THRB: variants seen among roughly 807,000 people sequenced by gnomAD.
THRB encodes thyroid hormone receptor beta, also known as nuclear receptor subfamily 1 group A member 2.
A neutral mutation model predicts 47.8 loss-of-function variants in THRB; 12 were observed. The observed-to-expected ratio is 0.25, with a 90% CI of 0.16 to 0.41. The LOEUF (loss-of-function observed/expected upper bound fraction) is 0.41, where lower values mean the gene tolerates loss of function less well. Ranked by LOEUF, THRB falls within the 10% of genes least tolerant of loss-of-function variation. THRB has a pLI of 1.00. For synonymous variants in THRB, 218 were observed against 212.2 expected, an observed-to-expected ratio of 1.03 and a Z score of -0.24; for missense variants, 348 against 589.2, an observed-to-expected ratio of 0.59 and a Z score of 4.24.
intron 1 of THRB, among the ~76,000 whole-genome samples, chr3:24,383,469 ATAG>A (rs1315027840): frequency 6.6e-6 from 1 of 152,192 alleles, no homozygotes; most frequent in African/African-American, 2.4e-5. Flanking sequence ...ACATTTATTA[ATAG>A]TAGGTACACT....
chr3:24,226,931 A>C (rs1244932340), intron 4 of THRB, among the ~76,000 whole-genome samples: 1 of 152,176 alleles, frequency 6.6e-6, no homozygotes, highest in Non-Finnish European at 1.5e-5. Context: ...ATATTTATTC[A>C]CTGGCCCTTT....
chr3:24,366,073 T>A (rs2064434651), intron 1 of THRB, among the ~76,000 whole-genome samples: 1 of 152,212 alleles, frequency 6.6e-6, no homozygotes, highest in Admixed American at 6.5e-5. Flanking sequence ...ACCAGTTAGG[T>A]TAGGTACATA....
chr3:24,199,663 A>G (rs765444186), intron 4 of THRB, among the ~76,000 whole-genome samples: 41 of 152,256 alleles, frequency 2.7e-4, no homozygotes, highest in Non-Finnish European at 4.7e-4. Context: ...TCTGAAACTA[A>G]AAAGTACAAT....
chr3:24,344,421 C>A (rs1227017532), intron 1 of THRB, among the ~76,000 whole-genome samples: 1 of 152,066 alleles, frequency 6.6e-6, no homozygotes, highest in East Asian at 1.9e-4. Flanking sequence ...TTGTTTTCTA[C>A]TTGTAGTTGA....
intron 2 of THRB, among the ~76,000 whole-genome samples, chr3:24,332,144 A>T (rs1228127985): frequency 1.3e-5 from 2 of 151,810 alleles, no homozygotes; most frequent in African/African-American, 2.4e-5. Context: ...TTCTGGTAAG[A>T]CCCCCTAAAG....
At chr3:24,212,626 A>G (rs1031538142) in intron 4 of THRB, among the ~76,000 whole-genome samples, 18 of 151,642 alleles carry the variant, frequency 1.2e-4, no homozygotes, top group African/African-American at 4.4e-4. Context: ...AGACCCATGA[A>G]GGTGATATGG....
intron 1 of THRB, among the ~76,000 whole-genome samples, chr3:24,441,860 G>A (rs1484072259): frequency 6.6e-6 from 1 of 151,932 alleles, no homozygotes. Context: ...TAAAAGACTT[G>A]AGCCCCTTCC....
At chr3:24,438,887 T>C (rs1437705431) in intron 1 of THRB, among the ~76,000 whole-genome samples, 2 of 151,936 alleles carry the variant, frequency 1.3e-5, no homozygotes, top group Admixed American at 1.3e-4. Context: ...GTGTCTTAGG[T>C]AAGGATCCCC....
intron 3 of THRB, among the ~76,000 whole-genome samples, chr3:24,243,576 T>C (rs923515891): frequency 1.3e-5 from 2 of 152,114 alleles, no homozygotes; most frequent in African/African-American, 2.4e-5. Flanking sequence ...GGGATGCCTA[T>C]TTGAACATCC....
chr3:24,220,836 T>C (rs2047085962), intron 4 of THRB, among the ~76,000 whole-genome samples: 1 of 151,882 alleles, frequency 6.6e-6, no homozygotes, highest in African/African-American at 2.4e-5. Flanking sequence ...TAATCACCAT[T>C]TGAAGCCATT....
At chr3:24,479,351 T>C (rs926803936) in intron 1 of THRB, among the ~76,000 whole-genome samples, 3 of 152,118 alleles carry the variant, frequency 2.0e-5, no homozygotes, top group African/African-American at 7.2e-5. Flanking sequence ...ATATCCTATA[T>C]TGCACAGGGC....
chr3:24,431,998 T>C (rs988432824), intron 1 of THRB, among the ~76,000 whole-genome samples: 2 of 152,004 alleles, frequency 1.3e-5, no homozygotes, highest in Non-Finnish European at 2.9e-5. Flanking sequence ...CTAAAACTCA[T>C]CCAAATGATA....
intron 3 of THRB, among the ~76,000 whole-genome samples, chr3:24,267,370 GA>G (rs71266409): frequency 1.4e-3 from 191 of 135,646 alleles, no homozygotes; most frequent in Middle Eastern, 3.6e-3. Flanking sequence ...AACTTTTCCT[GA>G]AAAAAAAAAA....
intron 1 of THRB, among the ~76,000 whole-genome samples, chr3:24,477,661 G>A (rs1695688011): frequency 6.6e-6 from 1 of 151,954 alleles, no homozygotes; most frequent in South Asian, 2.1e-4. Flanking sequence ...CCACTACTTT[G>A]TAGCTAACGC....
chr3:24,174,074 GGTTT>G (rs55788797), intron 5 of THRB, among the ~76,000 whole-genome samples: 47,499 of 151,852 alleles, frequency 0.31, 7,679 homozygotes, highest in South Asian at 0.37. Context: ...AGGACGTGCA[GGTTT>G]GTTACATAGG....
At chr3:24,392,895 T>G (rs2066682489) in intron 1 of THRB, among the ~76,000 whole-genome samples, 1 of 152,142 alleles carries the variant, frequency 6.6e-6, no homozygotes, top group South Asian at 2.1e-4. Flanking sequence ...TTATTCTACT[T>G]TTTATTATCT....
At chr3:24,487,274 G>A (rs562879997) in intron 1 of THRB, among the ~76,000 whole-genome samples, 1 of 152,032 alleles carries the variant, frequency 6.6e-6, no homozygotes, top group Non-Finnish European at 1.5e-5. Context: ...TTTAAAAAGT[G>A]TGATATAGTG....
At chr3:24,383,061 C>T (rs2065830131) in intron 1 of THRB, among the ~76,000 whole-genome samples, 1 of 152,146 alleles carries the variant, frequency 6.6e-6, no homozygotes, top group Admixed American at 6.6e-5. Flanking sequence ...CTCAGAGAAA[C>T]TCACGTACTC....
At chr3:24,252,114 G>A (rs1323941566) in intron 3 of THRB, among the ~76,000 whole-genome samples, 8 of 152,060 alleles carry the variant, frequency 5.3e-5, no homozygotes, top group Admixed American at 2.0e-4. Flanking sequence ...GCTTGTTCTT[G>A]ATGACTTAAA....
Sources: allele counts gnomAD v4.1 joint callset (sites outside exome capture counted in the v4.1 genomes callset), GRCh38; gene constraint gnomAD v4.1.1; transcripts MANE v1.5; gene names NCBI Gene and HGNC (gene_info 2026-07-23, HGNC 2026-07-21).